BRD2: variants seen among roughly 807,000 people sequenced by gnomAD.
The protein encoded by BRD2 is bromodomain-containing protein 2.
A neutral mutation model predicts 79.1 loss-of-function variants in BRD2; 15 were observed. The ratio of observed to expected loss-of-function variants is 0.19; its 90% CI spans 0.13 to 0.29. The LOEUF (loss-of-function observed/expected upper bound fraction) is 0.29. Among genes scored for constraint, BRD2 ranks in the 10% least tolerant of loss-of-function variants. The pLI is 1.00. For synonymous variants in BRD2, 488 were observed against 358.6 expected (o/e 1.36, Z -4.08); for missense variants, 1,053 against 991.3 (o/e 1.06, Z -0.84).
chr6:32,980,275 A>G, intron 11 of BRD2, 67 bp from the exon 12 acceptor site: 2 of 1,590,168 alleles, frequency 1.3e-6, no homozygotes, highest in East Asian at 2.2e-5. Flanking sequence ...GAACTTGGGA[A>G]CCTTAGGGGC....
chr6:32,977,104 T>TG, intron 7 of BRD2, 168 bp downstream of exon 7: 1 of 1,249,138 alleles, frequency 8.0e-7, no homozygotes, highest in Non-Finnish European at 1.1e-6. Flanking sequence ...TTGTATTTCT[T>TG]GGAGTTTGAA....
In BRD2 at chr6:32,977,977, C is replaced by T. The variant is rs202033057; in HGVS notation, c.1550C>T (p.Ala517Val). The change falls in exon 9 of 13, where the codon GCT becomes GTT. Residue 517 changes from alanine (A) to valine (V), a missense_variant. By Grantham distance (64) the Ala-to-Val change is moderately conservative. Around this residue, in one of 5 missense-constraint regions of BRD2, gnomAD observed 454 missense variants for 430.5 expected, o/e 1.05. Transcript: ENST00000374825. ...AGCTCAGACTCAGAGGAAGAAAGGG[C>T]TCATCGCTTAGCAGAACTACAGGAA... The part of the protein sequence containing the change: ...SESSDSEEER[A>V]HRLAELQEQL... The T allele has an allele frequency of 7.4e-6, 12 of 1,611,268 alleles. No individual in the cohort carries two copies. The highest frequency in any genetic ancestry group is 5.5e-5 in the South Asian group (5 of 91,082).
rs1268974404 is a variant in BRD2, at chr6:32,978,138, C to T, written c.1591C>T (p.His531Tyr). The change falls in exon 10 of 13, where the codon CAT (histidine) becomes TAT (tyrosine). Residue 531 changes from histidine (H) to tyrosine (Y), a missense_variant. Around this residue, in one of 5 missense-constraint regions of BRD2, gnomAD observed 454 missense variants for 430.5 expected, o/e 1.05. Coordinates refer to ENST00000374825, the MANE Select transcript of BRD2 (RefSeq NM_005104.4). ...AELQEQLRAVHEQLAALSQGP... is the reference protein window; with the variant it reads ...AELQEQLRAVYEQLAALSQGP... ...TTTTTTCCTTTAGCTTCGGGCAGTA[C>T]ATGAACAACTGGCTGCTCTGTCCCA... is the stretch of plus-strand genomic sequence containing the variant. The T allele has an allele frequency of 6.2e-7, 1 of 1,611,788 alleles. No homozygotes were observed. The highest frequency in any genetic ancestry group is 8.5e-7 in the Non-Finnish European group (1 of 1,179,792).
intron 3 of BRD2, chr6:32,975,120 C>G (rs1778551413): frequency 1.3e-6 from 2 of 1,508,222 alleles, no homozygotes; most frequent in Non-Finnish European, 1.8e-6. Context: ...GAGGTAATGT[C>G]ACAGGATGGG....
intron 3 of BRD2, chr6:32,975,014 T>A: frequency 6.5e-7 from 1 of 1,529,224 alleles, no homozygotes; most frequent in Non-Finnish European, 8.8e-7. Context: ...CTGGCTCCAT[T>A]TTACAGATTC....
At chr6:32,974,342 C>A in intron 2 of BRD2, 120 bp from the exon 3 acceptor site, 1 of 974,680 alleles carries the variant, frequency 1.0e-6, no homozygotes, top group Non-Finnish European at 1.6e-6. Flanking sequence ...GCTTAAGAAG[C>A]ACTTGGCATA....
chr6:32,972,735 A>C lies in BRD2; in HGVS notation c.-164A>C. 1 of 1,062,824 alleles carries C rather than the reference A, an allele frequency of 9.4e-7. No homozygotes were observed. 65.8% of individuals were successfully genotyped at this position (1,062,824 alleles called of 1,614,324 possible). A position where few individuals can be genotyped will look rare whatever the true frequency, so the allele number is the denominator to read the frequency against. On this transcript the variant is annotated 5_prime_UTR_variant, in exon 2 of 13. Transcript: ENST00000374825. The stretch of plus-strand genomic sequence containing the variant: ...CCCGGAGCTCTCCGAGAGGCCCCAA[A>C]GAGACTGCTTTCGTGCCGGCCAGGC...
rs1778515326 is a variant in BRD2, at chr6:32,974,842, A to C, written c.333+77A>C. On this transcript the variant is annotated intron_variant, in intron 3 of 12. Coordinates refer to ENST00000374825, the MANE Select transcript of BRD2 (RefSeq NM_005104.4). ...TGAATGGGGGTGGTCTGCCTAGTGTAGATGCTGCGGCCCCTAGGGAGTTCC... is the reference window on the plus strand; with the variant it reads ...TGAATGGGGGTGGTCTGCCTAGTGTCGATGCTGCGGCCCCTAGGGAGTTCC... 3 of 1,528,438 alleles carry C rather than the reference A, an allele frequency of 2.0e-6. No individual in the cohort carries two copies. The African/African-American group carries it at 4.1e-5, about 21-fold the overall frequency. The allele number at this position is 1,528,438 out of a possible 1,614,324, so 94.7% of individuals were successfully genotyped here.
Position 32,977,964 on chromosome 6 carries a change from G to C in BRD2, c.1537G>C (p.Glu513Gln). The C allele has an allele frequency of 6.2e-7, 1 of 1,611,894 alleles. No homozygotes were observed. The highest frequency in any genetic ancestry group is 8.5e-7 in the Non-Finnish European group (1 of 1,180,036). Residue 513 changes from glutamate (E) to glutamine (Q), a missense_variant, in exon 9 of 13, where the codon GAG becomes CAG. Around this residue, in one of 5 missense-constraint regions of BRD2, gnomAD observed 454 missense variants for 430.5 expected, o/e 1.05. Transcript: ENST00000374825. ...AGAAGAGAGTGAAAGCTCAGACTCA[G>C]AGGAAGAAAGGGCTCATCGCTTAGC... ...EEEESESSDSEEERAHRLAEL... is the reference protein window; with the variant it reads ...EEEESESSDSQEERAHRLAEL...
chr6:32,980,278 T>A, intron 11 of BRD2, 64 bp from the exon 12 acceptor site: 1 of 1,601,532 alleles, frequency 6.2e-7, no homozygotes, highest in Non-Finnish European at 8.5e-7. Flanking sequence ...CTTGGGAACC[T>A]TAGGGGCCCA....
At chr6:32,975,723 T>G (rs1227243228) in intron 4 of BRD2, among the ~76,000 whole-genome samples, 1 of 152,222 alleles carries the variant, frequency 6.6e-6, no homozygotes, top group Non-Finnish European at 1.5e-5. Flanking sequence ...TGAAGGTTAT[T>G]TAGAACACTT....
chr6:32,973,518 G>T (rs1232888764), intron 2 of BRD2, among the ~76,000 whole-genome samples: 2 of 152,180 alleles, frequency 1.3e-5, no homozygotes, highest in Admixed American at 1.3e-4. Flanking sequence ...TTCAGGGCAG[G>T]AGGGTAGAGC....
rs200103856 is a variant in BRD2, at chr6:32,977,930, C to T, written c.1503C>T (p.Asp501=). The T allele has an allele frequency of 2.7e-5, 44 of 1,610,644 alleles. No individual in the cohort carries two copies. The highest frequency in any genetic ancestry group is 2.0e-4 in the South Asian group (18 of 90,886). ...SEEEEEEDEE[D]EEEEESESSD... ...AAGAGGAGGAGGAAGATGAGGAGGA[C>T]GAGGAGGAAGAAGAGAGTGAAAGCT... The change falls in exon 9 of 13, where the codon GAC becomes GAT. Residue 501 remains aspartate, a synonymous_variant. Coordinates refer to ENST00000374825, the MANE Select transcript of BRD2 (RefSeq NM_005104.4).
rs748797118 is a variant in BRD2, at chr6:32,972,925, T to A, written c.27T>A (p.Asn9Lys). 5.6e-6 allele frequency: 9 copies of A among 1,613,816 alleles called. No individual in the cohort carries two copies. In the African/African-American group the frequency reaches 9.3e-5, roughly 17 times the overall value. Residue 9 changes from asparagine to lysine, a missense_variant and splice_region_variant, in exon 2 of 13, where the codon AAT (asparagine) becomes AAA (lysine). By Grantham distance (94) the Asn-to-Lys change is moderately conservative. Coordinates refer to ENST00000374825, the MANE Select transcript of BRD2 (RefSeq NM_005104.4). MLQNVTPH[N>K]KLPGEGNAGL... ...TGCTGCAAAACGTGACTCCCCACAA[T>A]AAGTACGTTTCCGCGAGCCGCGTGT...
chr6:32,978,729 G>C (rs969450866), intron 10 of BRD2: 1 of 346,420 alleles, frequency 2.9e-6, no homozygotes. Flanking sequence ...GATGTGACAG[G>C]CAGTGATGCC....
At position 32,971,657 on chromosome 6, in the gene BRD2, C is replaced by A. The variant is rs948670970; in HGVS notation, c.-1242C>A. On this transcript the variant is annotated 5_prime_UTR_variant, in exon 2 of 13. Coordinates refer to ENST00000374825, the MANE Select transcript of BRD2 (RefSeq NM_005104.4). ...ACCCGCCAGGCGTCTTGCGGCCACA[C>A]CCCTGGCGGGTTCAGGCAGGCTACG... 33 of 481,306 alleles carry A rather than the reference C, an allele frequency of 6.9e-5. No individual in the cohort carries two copies. The South Asian group carries it at 1.1e-3, about 16-fold the overall frequency. 29.8% of individuals were successfully genotyped at this position (481,306 alleles called of 1,614,324 possible).
In BRD2 at chr6:32,977,447, G is replaced by T; in HGVS notation, c.1206G>T (p.Lys402Asn). 6.2e-7 allele frequency: 1 copy of T among 1,613,934 alleles called. No individual in the cohort carries two copies. Among genetic ancestry groups the T allele is most frequent in the Non-Finnish European group, 8.5e-7 (1 of 1,180,036 alleles). ...GATGCTGCCTCCTTCTGCAGCGGAAGATGGAGAACCGTGATTACCGGGATG... is the reference window on the plus strand; with the variant it reads ...GATGCTGCCTCCTTCTGCAGCGGAATATGGAGAACCGTGATTACCGGGATG... ...HPMDLSTVKR[K>N]MENRDYRDAQ... Residue 402 changes from lysine (K) to asparagine (N), a missense_variant, in exon 8 of 13, where the codon AAG becomes AAT. Lys to Asn is a moderately conservative substitution (Grantham distance 94). This residue lies in a region of BRD2 where 454 missense variants were observed against 430.5 expected (regional missense o/e 1.05). Transcript: ENST00000374825.
chr6:32,970,982 A>C (rs1582876750), intron 1 of BRD2: 2 of 117,508 alleles, frequency 1.7e-5, no homozygotes, highest in Admixed American at 1.7e-4. Context: ...CGTGGGGAGG[A>C]CTCCGGACCC....
rs187969943 is a variant in BRD2, at chr6:32,976,483, C to T, written c.825+19C>T. On this transcript the variant is annotated intron_variant, in intron 6 of 12. Transcript: ENST00000374825. ...TGCCAAGGTATGATCTGTGGATTTCCTCTGGGCAGCAGGGAGGCAAGGGTC... is the reference window on the plus strand; with the variant it reads ...TGCCAAGGTATGATCTGTGGATTTCTTCTGGGCAGCAGGGAGGCAAGGGTC... 84 of 1,605,608 alleles carry T rather than the reference C, an allele frequency of 5.2e-5. No individual in the cohort carries two copies. The Admixed American group carries it at 1.4e-3, about 26-fold the overall frequency.
Sources: allele counts gnomAD v4.1 joint callset (sites outside exome capture counted in the v4.1 genomes callset), GRCh38; gene constraint gnomAD v4.1.1; regional missense constraint gnomAD v4.1.1; transcripts MANE v1.5; gene names NCBI Gene and HGNC (gene_info 2026-07-23, HGNC 2026-07-21).